DLG2: variants seen among roughly 807,000 people sequenced by gnomAD.
DLG2 encodes disks large homolog 2.
In DLG2, 45 loss-of-function variants were observed where a neutral mutation model predicts 132.5. The ratio of observed to expected loss-of-function variants is 0.34; its 90% CI spans 0.27 to 0.44. The LOEUF (loss-of-function observed/expected upper bound fraction) is 0.44. Ranked by LOEUF, DLG2 falls within the 20% of genes least tolerant of loss-of-function variation. DLG2 has a pLI of 1.00. For missense variants in DLG2, 1,045 were observed against 1,196.9 expected, an observed-to-expected ratio of 0.87 and a Z score of 1.87; for synonymous variants, 424 against 419.6, an observed-to-expected ratio of 1.01 and a Z score of -0.13.
At chr11:85,542,049 T>C (rs545414542) in intron 3 of DLG2, among the ~76,000 whole-genome samples, 21 of 152,340 alleles carry the variant, frequency 1.4e-4, no homozygotes, top group Middle Eastern at 3.4e-3. Context: ...AGCTAATTTA[T>C]TTACAACAAC....
intron 11 of DLG2, among the ~76,000 whole-genome samples, chr11:83,983,593 T>G (rs1237329705): frequency 3.3e-5 from 5 of 152,062 alleles, no homozygotes; most frequent in South Asian, 4.1e-4. Flanking sequence ...CAATGATCGT[T>G]AAATTAACCA....
At chr11:84,581,785 T>C (rs1308663325) in intron 6 of DLG2, among the ~76,000 whole-genome samples, 1 of 152,032 alleles carries the variant, frequency 6.6e-6, no homozygotes, top group South Asian at 2.1e-4. Context: ...CATGTGCCTG[T>C]ACTCCCAGCT....
At chr11:83,483,368 G>C in intron 22 of DLG2, 1 of 1,249,876 alleles carries the variant, frequency 8.0e-7, no homozygotes, top group Non-Finnish European at 1.2e-6. Context: ...GAAGAAGTCA[G>C]TGGAGTTGAA....
At chr11:85,479,830 C>T (rs2093243446) in intron 3 of DLG2, among the ~76,000 whole-genome samples, 1 of 152,160 alleles carries the variant, frequency 6.6e-6, no homozygotes, top group African/African-American at 2.4e-5. Flanking sequence ...CTCTCCTTGG[C>T]TTGTAGATGG....
chr11:84,805,835 T>C (rs1425066296), intron 6 of DLG2, among the ~76,000 whole-genome samples: 2 of 152,204 alleles, frequency 1.3e-5, no homozygotes, highest in African/African-American at 4.8e-5. Context: ...CAGGTATTTC[T>C]TTACAGCAGT....
chr11:84,280,708 T>C (rs1050600423), intron 7 of DLG2, among the ~76,000 whole-genome samples: 3 of 150,524 alleles, frequency 2.0e-5, no homozygotes, highest in African/African-American at 7.3e-5. Context: ...TTGTTTTTTG[T>C]TTTTTTTGAG....
chr11:85,118,508 G>A (rs1003740119), intron 5 of DLG2, among the ~76,000 whole-genome samples: 3 of 151,950 alleles, frequency 2.0e-5, no homozygotes, highest in African/African-American at 4.8e-5. Flanking sequence ...TTTTCAAGCT[G>A]GCCACATTAA....
chr11:84,253,582 G>A (rs981106752), intron 7 of DLG2, among the ~76,000 whole-genome samples: 1 of 152,140 alleles, frequency 6.6e-6, no homozygotes, highest in Non-Finnish European at 1.5e-5. Context: ...GCACTAATAA[G>A]AGGCCTGTTT....
At chr11:83,757,812 C>T (rs1479549761) in intron 18 of DLG2, among the ~76,000 whole-genome samples, 1 of 152,124 alleles carries the variant, frequency 6.6e-6, no homozygotes, top group Non-Finnish European at 1.5e-5. Flanking sequence ...AATATAACTA[C>T]CACCCCCTTC....
At chr11:84,826,275 A>G (rs76978728) in intron 6 of DLG2, among the ~76,000 whole-genome samples, 275 of 152,022 alleles carry the variant, frequency 1.8e-3, no homozygotes, top group African/African-American at 6.3e-3. Context: ...CTTTTGTGCT[A>G]GCAAATAGTA....
chr11:85,085,441 T>C (rs1267909063), intron 6 of DLG2, among the ~76,000 whole-genome samples: 2 of 152,170 alleles, frequency 1.3e-5, no homozygotes, highest in Non-Finnish European at 2.9e-5. Context: ...ATTTGTTGCC[T>C]ATAATTGTTC....
At chr11:85,521,304 C>T (rs2074295566) in intron 3 of DLG2, among the ~76,000 whole-genome samples, 1 of 152,174 alleles carries the variant, frequency 6.6e-6, no homozygotes, top group African/African-American at 2.4e-5. Flanking sequence ...CCCCACTTTG[C>T]TCTGCACTTC....
At chr11:85,397,194 T>A (rs286030) in intron 3 of DLG2, among the ~76,000 whole-genome samples, 1 of 152,076 alleles carries the variant, frequency 6.6e-6, no homozygotes, top group Non-Finnish European at 1.5e-5. Flanking sequence ...CTTAAGAGAA[T>A]GAGAAATAAA....
intron 6 of DLG2, among the ~76,000 whole-genome samples, chr11:84,903,934 G>GT (rs1368068389): frequency 6.6e-6 from 1 of 151,992 alleles, no homozygotes. Context: ...AAAATTTCCA[G>GT]TTTTTTCAAT....
chr11:83,497,054 T>C (rs2094181836), intron 21 of DLG2, among the ~76,000 whole-genome samples: 1 of 152,198 alleles, frequency 6.6e-6, no homozygotes, highest in Non-Finnish European at 1.5e-5. Context: ...AGGTAACATG[T>C]TACTTTCATT....
intron 16 of DLG2, among the ~76,000 whole-genome samples, chr11:83,855,977 TC>T (rs2060480202): frequency 6.6e-6 from 1 of 152,190 alleles, no homozygotes; most frequent in Non-Finnish European, 1.5e-5. Context: ...CCTGATCCTC[TC>T]CCTCCTCCCA....
chr11:83,679,843 C>A (rs930212022), intron 18 of DLG2, among the ~76,000 whole-genome samples: 3 of 152,162 alleles, frequency 2.0e-5, no homozygotes, highest in African/African-American at 7.2e-5. Context: ...GACAATAATA[C>A]TTGGTTGGGG....
At chr11:84,317,408 C>A in intron 7 of DLG2, 1 of 1,296,460 alleles carries the variant, frequency 7.7e-7, no homozygotes, top group Non-Finnish European at 9.9e-7. Context: ...CTGCTCTAGG[C>A]AGAAGCAATC....
At chr11:85,271,704 T>C (rs1246657526) in intron 4 of DLG2, among the ~76,000 whole-genome samples, 1 of 152,238 alleles carries the variant, frequency 6.6e-6, no homozygotes, top group Non-Finnish European at 1.5e-5. Context: ...GCTTTAAGAT[T>C]TGACTGCACT....
Sources: allele counts gnomAD v4.1 joint callset (sites outside exome capture counted in the v4.1 genomes callset), GRCh38; gene constraint gnomAD v4.1.1; transcripts MANE v1.5; gene names NCBI Gene and HGNC (gene_info 2026-07-23, HGNC 2026-07-21).